The following DNAI2 variants were observed in gnomAD, a reference collection of about 807,000 sequenced individuals.
DNAI2 encodes dynein, axonemal, intermediate polypeptide 2.
A neutral mutation model predicts 74.7 loss-of-function variants in DNAI2; 63 were observed. That is an observed-to-expected ratio of 0.84 (90% CI 0.69 to 1.04). The LOEUF (loss-of-function observed/expected upper bound fraction) is 1.04. Among genes scored for constraint, DNAI2 ranks in the 50% least tolerant of loss-of-function variants. The pLI is 0.00. For synonymous variants in DNAI2, 289 were observed against 314.9 expected (o/e 0.92, Z 0.87); for missense variants, 688 against 803.2 (o/e 0.86, Z 1.73).
At chr17:74,311,974 C>T (rs772285592) in intron 11 of DNAI2, 29 bp from the exon 12 acceptor site, 1 of 1,608,886 alleles carries the variant, frequency 6.2e-7, no homozygotes. Flanking sequence ...CCTCTCCCCA[C>T]CGGGCTCTCT....
chr17:74,292,837 T>TA (rs1167091251), intron 6 of DNAI2, among the ~76,000 whole-genome samples: 6 of 150,992 alleles, frequency 4.0e-5, no homozygotes, highest in Non-Finnish European at 8.9e-5. Flanking sequence ...AGTTTTCCTT[T>TA]TTTTTTTTTT....
At chr17:74,310,230 C>A in intron 11 of DNAI2, 67 bp downstream of exon 11, 1 of 1,569,574 alleles carries the variant, frequency 6.4e-7, no homozygotes. Flanking sequence ...GCAGAGCAGG[C>A]TAGTCAGACA....
At chr17:74,298,625 C>T (rs892869224) in intron 6 of DNAI2, among the ~76,000 whole-genome samples, 2 of 152,000 alleles carry the variant, frequency 1.3e-5, no homozygotes, top group Non-Finnish European at 2.9e-5. Flanking sequence ...TTTTTTGAGA[C>T]AGGGTCTTGC....
At position 74,300,987 on chromosome 17, in the gene DNAI2, G is replaced by T; in HGVS notation, c.865-59G>T. On this transcript the variant is annotated intron_variant, in intron 7 of 13. Coordinates refer to ENST00000311014, the MANE Select transcript of DNAI2 (RefSeq NM_023036.6). The surrounding 1 kb of genome is among the most constrained non-coding windows in gnomAD (Gnocchi z 4.5). ...GGACGGTGGGGTGAGGGCGGAGAAG[G>T]CAAAAGCCAGGGGAAATACAGGGCC... 1.2e-6 allele frequency: 2 copies of T among 1,607,124 alleles called. No individual in the cohort carries two copies. Among genetic ancestry groups the T allele is most frequent in the South Asian group, 1.1e-5 (1 of 90,692 alleles).
At chr17:74,280,027 C>T (rs181090686) in intron 1 of DNAI2, among the ~76,000 whole-genome samples, 176 of 152,302 alleles carry the variant, frequency 1.2e-3, no homozygotes, top group Non-Finnish European at 2.0e-3. Context: ...TCTGAAAGTG[C>T]AGGTGGCTGG....
chr17:74,287,904 G>A (rs1488862095), intron 4 of DNAI2, among the ~76,000 whole-genome samples: 2 of 150,588 alleles, frequency 1.3e-5, no homozygotes, highest in Non-Finnish European at 2.9e-5. Context: ...GCAGTGAGCC[G>A]AGATCGCACC....
At chr17:74,311,851 CT>C (rs2053545178) in intron 11 of DNAI2, 151 bp from the exon 12 acceptor site, 1 of 764,276 alleles carries the variant, frequency 1.3e-6, no homozygotes. Flanking sequence ...GCCCTCCTTC[CT>C]TGACACCAGC....
intron 2 of DNAI2, among the ~76,000 whole-genome samples, chr17:74,284,316 G>GGA (rs1340885583): frequency 6.6e-6 from 1 of 152,152 alleles, no homozygotes; most frequent in East Asian, 1.9e-4. Flanking sequence ...ATCCAAACTT[G>GGA]GAGTTTTAAC....
At chr17:74,292,678 C>T (rs2052188805) in intron 6 of DNAI2, among the ~76,000 whole-genome samples, 1 of 151,948 alleles carries the variant, frequency 6.6e-6, no homozygotes, top group Non-Finnish European at 1.5e-5. Context: ...TGGCTGGCCT[C>T]CCAAAGTGCT....
At chr17:74,299,051 C>G (rs1226920379) in intron 6 of DNAI2, among the ~76,000 whole-genome samples, 1 of 152,196 alleles carries the variant, frequency 6.6e-6, no homozygotes, top group East Asian at 1.9e-4. Context: ...AACGGCCTTT[C>G]CTAGAAACAG....
At position 74,299,733 on chromosome 17, in the gene DNAI2, G is replaced by A. The variant is rs755060592; in HGVS notation, c.740G>A (p.Arg247Gln). 1.2e-5 allele frequency: 20 copies of A among 1,613,298 alleles called. No individual in the cohort carries two copies. The highest frequency in any genetic ancestry group is 3.3e-5 in the Admixed American group (2 of 59,982). Residue 247 changes from arginine (R) to glutamine (Q), a missense_variant, in exon 7 of 14, where the codon CGA becomes CAA. By Grantham distance (43) the Arg-to-Gln change is conservative. Coordinates refer to ENST00000311014, the MANE Select transcript of DNAI2 (RefSeq NM_023036.6). The part of the protein sequence containing the change: ...YNGQIACWDT[R>Q]KGSLVAELST... ...TCCTCACCAGCCTGCTGGGACACCC[G>A]AAAGGGCAGCCTGGTGGCGGAGCTA...
At chr17:74,307,299 G>T (rs1218734815) in intron 9 of DNAI2, 2 of 456,240 alleles carry the variant, frequency 4.4e-6, no homozygotes, top group Non-Finnish European at 4.4e-6. Context: ...GGGACTTGGT[G>T]GACCTGTGTC....
intron 1 of DNAI2, among the ~76,000 whole-genome samples, chr17:74,276,777 T>C (rs1187995555): frequency 6.6e-6 from 1 of 151,898 alleles, no homozygotes; most frequent in Admixed American, 6.6e-5. Flanking sequence ...CTTCCTGGAG[T>C]TTCCTCATTC....
In DNAI2 at chr17:74,285,314, G is replaced by T. The variant is rs551084703; in HGVS notation, c.345+113G>T. 492 of 1,350,020 alleles carry T rather than the reference G, an allele frequency of 3.6e-4. 1 individual carries two copies. Among genetic ancestry groups the T allele is most frequent in the Middle Eastern group, 9.0e-4 (5 of 5,560 alleles). 83.6% of individuals were successfully genotyped at this position (1,350,020 alleles called of 1,614,324 possible). On this transcript the variant is annotated intron_variant, in intron 3 of 13. Coordinates refer to ENST00000311014, the MANE Select transcript of DNAI2 (RefSeq NM_023036.6). ...TCGCTGTGAGGCTCGTGTGAATGCTGGGGGGAAGGGGACCAGCTGCTACCT... is the reference window on the plus strand; with the variant it reads ...TCGCTGTGAGGCTCGTGTGAATGCTTGGGGGAAGGGGACCAGCTGCTACCT...
chr17:74,307,766 A>T (rs2053272996), intron 9 of DNAI2, among the ~76,000 whole-genome samples: 1 of 151,546 alleles, frequency 6.6e-6, no homozygotes, highest in Admixed American at 6.6e-5. Flanking sequence ...GTATATACTT[A>T]TACTAAAAAT....
At chr17:74,275,959 G>A (rs190306609) in intron 1 of DNAI2, among the ~76,000 whole-genome samples, 21 of 152,236 alleles carry the variant, frequency 1.4e-4, no homozygotes, top group African/African-American at 4.3e-4. Context: ...CCCACCACTC[G>A]CAGGAACCCA....
rs1010744437 is a variant in DNAI2 at position 74,314,802 on chromosome 17, G to C, written c.*269G>C. On this transcript the variant is annotated 3_prime_UTR_variant, in exon 14 of 14. Transcript: ENST00000311014. ...CCAAGTATGTGGGAGGGGACGGGCG[G>C]GACGAGCTTGGCTGTTCTGCTGCAC... 2 of 169,774 alleles carry C rather than the reference G, an allele frequency of 1.2e-5. No individual in the cohort carries two copies. The highest frequency in any genetic ancestry group is 5.4e-5 in the Admixed American group (1 of 18,554). The allele number at this position is 169,774 out of a possible 1,614,324, so 10.5% of individuals were successfully genotyped here.
intron 10 of DNAI2, 56 bp from the exon 11 acceptor site, chr17:74,309,959 GAC>G (rs2053417674): frequency 5.1e-6 from 8 of 1,567,580 alleles, no homozygotes; most frequent in Non-Finnish European, 6.1e-6. Flanking sequence ...CAGTTAATCA[GAC>G]ACACATAACT....
chr17:74,288,847 G>A (rs1301264011), intron 4 of DNAI2, among the ~76,000 whole-genome samples: 1 of 152,192 alleles, frequency 6.6e-6, no homozygotes, highest in African/African-American at 2.4e-5. Flanking sequence ...TGAGCAGGAG[G>A]CTGGAATAGA....
Sources: gnomAD v4.1 joint callset for allele counts (sites outside exome capture counted in the v4.1 genomes callset) on GRCh38, gnomAD v4.1.1 for gene constraint, Gnocchi (gnomAD v3.1) non-coding constraint, MANE v1.5 for transcripts, NCBI Gene and HGNC (gene_info 2026-07-23, HGNC 2026-07-21) for gene names.